ZNF398: variants seen among roughly 807,000 people sequenced by gnomAD.
The protein encoded by ZNF398 is zinc finger DNA binding protein ZER6.
Under a neutral mutation model 41.9 loss-of-function variants are expected in ZNF398, and 18 were observed. That is an observed-to-expected ratio of 0.43 (90% confidence interval 0.30 to 0.64). The LOEUF (loss-of-function observed/expected upper bound fraction) is 0.64, where lower values mean the gene tolerates loss of function less well. ZNF398 is among the 30% of genes least tolerant of loss of function. The probability of loss-of-function intolerance (pLI) is 0.14; values close to 1 mark genes in which losing one functional copy is unlikely to be tolerated. For missense variants in ZNF398, 669 were observed against 822.8 expected (o/e 0.81, Z 2.29); for synonymous variants, 260 against 308.8 (o/e 0.84, Z 1.66).
At chr7:149,165,036 G>A (rs1161487334) in intron 2 of ZNF398, among the ~76,000 whole-genome samples, 4 of 151,820 alleles carry the variant, frequency 2.6e-5, no homozygotes, top group Non-Finnish European at 5.9e-5. Context: ...AGAGGTTGCA[G>A]TGAGACGAGA....
exon 1 of ZNF398, chr7:149,126,467 C>G (rs1261773926): frequency 3.3e-6 from 2 of 598,876 alleles, no homozygotes; most frequent in East Asian, 3.3e-5. Context: ...CGCAGCACGC[C>G]GGTCTTTGAG....
At chr7:149,166,338 C>G in intron 3 of ZNF398, 54 bp downstream of exon 3, 1 of 1,600,790 alleles carries the variant, frequency 6.2e-7, no homozygotes, top group Non-Finnish European at 8.5e-7. Flanking sequence ...CAAGAGGGCT[C>G]AGAACAGTCC....
chr7:149,161,851 C>T (rs1031312410), intron 2 of ZNF398, among the ~76,000 whole-genome samples: 3 of 148,368 alleles, frequency 2.0e-5, no homozygotes, highest in African/African-American at 7.4e-5. Context: ...CCAAATACAG[C>T]AAGAATTAGA....
rs1020822706 is a variant in ZNF398 at position 149,180,295 on chromosome 7, A to T, written c.*494A>T. Reference sequence around the variant, plus strand: ...GGAGAAAGTGCTTAAGCCACTGTTTATGTTGCTGCCTCCTCTCTCAAAACC... The same window carrying T: ...GGAGAAAGTGCTTAAGCCACTGTTTTTGTTGCTGCCTCCTCTCTCAAAACC... On this transcript the variant is annotated 3_prime_UTR_variant, in exon 6 of 6. Transcript: ENST00000475153. The T allele has an allele frequency of 3.3e-5, 5 of 153,110 alleles. No individual in the cohort carries two copies. The highest frequency in any genetic ancestry group is 1.2e-4 in the African/African-American group (5 of 41,450). 9.5% of individuals were successfully genotyped at this position (153,110 alleles called of 1,614,324 possible).
rs142724876 is a variant in ZNF398, at chr7:149,179,783, T to C, written c.1911T>C (p.Ser637=). ...CCAACCAGTGGTATGGGGAAGGGAG[T>C]GGAGGGGGAGTTTTGTAAATCCAAA... is the stretch of plus-strand genomic sequence containing the variant. ...LETNQWYGEG[S]GGGVL is the part of the protein sequence containing the mutation. Residue 637 remains serine, a synonymous_variant, in exon 6 of 6, where the codon AGT becomes AGC. Coordinates refer to ENST00000475153, the MANE Select transcript of ZNF398 (RefSeq NM_170686.3). The surrounding 1 kb of genome is among the most constrained non-coding windows in gnomAD (Gnocchi z 6.1). 6.2e-5 allele frequency: 98 copies of C among 1,581,302 alleles called. No homozygotes were observed. The highest frequency in any genetic ancestry group is 8.0e-5 in the Non-Finnish European group (93 of 1,161,232).
chr7:149,153,852 C>A, intron 1 of ZNF398, 93 bp from the exon 2 acceptor site: 3 of 1,398,900 alleles, frequency 2.1e-6, no homozygotes, highest in Non-Finnish European at 2.9e-6. Context: ...TTAATCTCTG[C>A]TGGACAGTTA....
At chr7:149,141,209 T>A (rs1013695221) in intron 2 of ZNF398, among the ~76,000 whole-genome samples, 3 of 151,952 alleles carry the variant, frequency 2.0e-5, no homozygotes, top group East Asian at 3.9e-4. Flanking sequence ...TGATTAAAAA[T>A]TTTTTTAAAA....
At position 149,148,589 on chromosome 7, in the gene ZNF398, C is replaced by T. The variant is rs533175041; in HGVS notation, c.24+823C>T. On this transcript the variant is annotated intron_variant, in intron 1 of 5. Coordinates refer to ENST00000475153, the MANE Select transcript of ZNF398 (RefSeq NM_170686.3). ...GAGCAGCGATGGGTAGGGGGTAGAG[C>T]AGAGGGAAGTGCCACCTCCACTCTT... is the stretch of plus-strand genomic sequence containing the variant. The T allele has an allele frequency of 8.0e-5, 50 of 621,434 alleles. No homozygotes were observed. In the African/African-American group the frequency reaches 1.0e-3, roughly 12 times the overall value. 38.5% of individuals were successfully genotyped at this position (621,434 alleles called of 1,614,324 possible). A position where few individuals can be genotyped will look rare whatever the true frequency, so the allele number is the denominator to read the frequency against.
intron 1 of ZNF398, among the ~76,000 whole-genome samples, chr7:149,152,570 T>C (rs1253401681): frequency 6.6e-6 from 1 of 151,342 alleles, no homozygotes; most frequent in African/African-American, 2.4e-5. Flanking sequence ...AGATTTCTTT[T>C]TTTTTTTTTT....
At chr7:149,129,442 C>T (rs191493864) in intron 2 of ZNF398, among the ~76,000 whole-genome samples, 5 of 151,504 alleles carry the variant, frequency 3.3e-5, no homozygotes, top group East Asian at 3.9e-4. Context: ...TGCAGTGGCT[C>T]GATCTTGGCT....
intron 2 of ZNF398, among the ~76,000 whole-genome samples, chr7:149,140,441 A>G (rs532023006): frequency 6.6e-6 from 1 of 152,154 alleles, no homozygotes; most frequent in South Asian, 2.1e-4. Context: ...CTGGTGTGCA[A>G]TGGCACCATC....
At chr7:149,148,328 A>C (rs1225857406) in intron 1 of ZNF398, 2 of 546,542 alleles carry the variant, frequency 3.7e-6, no homozygotes, top group African/African-American at 2.1e-5. Context: ...GTGGCGGTTC[A>C]TTCGCGGGTG....
At chr7:149,130,892 A>C (rs920352301) in intron 2 of ZNF398, among the ~76,000 whole-genome samples, 1 of 152,204 alleles carries the variant, frequency 6.6e-6, no homozygotes, top group Non-Finnish European at 1.5e-5. Context: ...AAATGTAACC[A>C]TATGTGGAAA....
At chr7:149,129,276 T>C (rs6464942) in intron 2 of ZNF398, among the ~76,000 whole-genome samples, 88,943 of 151,980 alleles carry the variant, frequency 0.59, 27,664 homozygotes, top group East Asian at 0.9. Context: ...TAGGGCATGA[T>C]TTCCTATGTC....
intron 2 of ZNF398, chr7:149,129,090 G>C (rs1010421680): frequency 2.0e-5 from 3 of 152,040 alleles, no homozygotes; most frequent in African/African-American, 4.8e-5. Flanking sequence ...ATGAGCCACT[G>C]TGCCTGGCCC....
At chr7:149,142,623 C>A (rs147676559), upstream of ZNF398, among the ~76,000 whole-genome samples, 1 of 152,110 alleles carries the variant, frequency 6.6e-6, no homozygotes, top group African/African-American at 2.4e-5. Flanking sequence ...GCCAAGATCG[C>A]GCCACTGCAC....
In ZNF398 at chr7:149,178,631, G is replaced by A. The variant is rs1415520391; in HGVS notation, c.776-17G>A. 6.2e-7 allele frequency: 1 copy of A among 1,606,130 alleles called. No homozygotes were observed. The highest frequency in any genetic ancestry group is 8.5e-7 in the Non-Finnish European group (1 of 1,175,960). On this transcript the variant is annotated splice_polypyrimidine_tract_variant and intron_variant, in intron 5 of 5. Coordinates refer to ENST00000475153, the MANE Select transcript of ZNF398 (RefSeq NM_170686.3). ...GACAGTTATTGATGGGTATAACTCT[G>A]GAGTCTTTTCTTTCAGATGAAGAGC...
chr7:149,148,455 G>A (rs1194190270), intron 1 of ZNF398: 1 of 985,460 alleles, frequency 1.0e-6, no homozygotes, highest in Admixed American at 6.1e-5. Context: ...CGCGGGGAAA[G>A]CACTGATCGC....
At position 149,180,659 on chromosome 7, in the gene ZNF398, T is replaced by C. The variant is rs1211495725; in HGVS notation, c.*858T>C. On this transcript the variant is annotated 3_prime_UTR_variant, in exon 6 of 6. Coordinates refer to ENST00000475153, the MANE Select transcript of ZNF398 (RefSeq NM_170686.3). ...GACAGAACAGCTTAAAATTTGTGCC[T>C]ACACCATGTTCTGAGAGTCGTTCAC... 6.6e-6 allele frequency: 1 copy of C among 152,228 alleles called. No homozygotes were observed. Among genetic ancestry groups the C allele is most frequent in the Admixed American group, 6.5e-5 (1 of 15,270 alleles). 9.4% of individuals were successfully genotyped at this position (152,228 alleles called of 1,614,324 possible). A position where few individuals can be genotyped will look rare whatever the true frequency, so the allele number is the denominator to read the frequency against.
Sources: gnomAD v4.1 joint callset for allele counts (sites outside exome capture counted in the v4.1 genomes callset) on GRCh38, gnomAD v4.1.1 for gene constraint, Gnocchi (gnomAD v3.1) non-coding constraint, MANE v1.5 for transcripts, NCBI Gene and HGNC (gene_info 2026-07-23, HGNC 2026-07-21) for gene names.